The following FAM168A variants were observed in gnomAD, a reference collection of about 807,000 sequenced individuals.
FAM168A encodes protein FAM168A.
Under a neutral mutation model 28.5 loss-of-function variants are expected in FAM168A, and 3 were observed. That is an observed-to-expected ratio of 0.11 (90% confidence interval 0.05 to 0.27). The LOEUF (loss-of-function observed/expected upper bound fraction) is 0.27. Ranked by LOEUF, FAM168A falls within the 10% of genes least tolerant of loss-of-function variation. The probability of loss-of-function intolerance (pLI) is 1.00; values close to 1 mark genes in which losing one functional copy is unlikely to be tolerated. For synonymous variants in FAM168A, 122 were observed against 124.2 expected, an observed-to-expected ratio of 0.98 and a Z score of 0.12; for missense variants, 222 against 311.5, an observed-to-expected ratio of 0.71 and a Z score of 2.16.
intron 1 of FAM168A, among the ~76,000 whole-genome samples, chr11:73,484,733 G>C (rs963727777): frequency 7.1e-6 from 1 of 141,044 alleles, no homozygotes; most frequent in Non-Finnish European, 1.5e-5. Context: ...GATATATATC[G>C]ATATATAGAT....
chr11:73,547,325 TA>T (rs200867927), intron 1 of FAM168A, among the ~76,000 whole-genome samples: 9 of 149,126 alleles, frequency 6.0e-5, no homozygotes, highest in African/African-American at 9.8e-5. Flanking sequence ...TGGCAGGTAT[TA>T]AAAAAAAAAT....
intron 1 of FAM168A, among the ~76,000 whole-genome samples, chr11:73,575,556 A>G (rs1468108032): frequency 6.6e-6 from 1 of 152,036 alleles, no homozygotes; most frequent in Non-Finnish European, 1.5e-5. Context: ...AACAATACCT[A>G]CCTATCAGAG....
chr11:73,544,819 T>C (rs1257720127), intron 1 of FAM168A, among the ~76,000 whole-genome samples: 1 of 102,914 alleles, frequency 9.7e-6, no homozygotes, highest in Non-Finnish European at 1.8e-5. Flanking sequence ...TCATATATAA[T>C]AAATTTATTA....
rs1277194599 is a variant in FAM168A, at chr11:73,403,493, GCTCA to G, written c.*3266_*3269del. ...TTTGCATCCTGGGGCCAGTGCTGTA[GCTCA>G]CTGTCAGGCGGCTACATCCCTTGTC... On this transcript the variant is annotated 3_prime_UTR_variant, in exon 8 of 8. Coordinates refer to ENST00000356467, the MANE Select transcript of FAM168A (RefSeq NM_015159.3). 5.3e-5 allele frequency: 8 copies of G among 152,254 alleles called. No homozygotes were observed. The highest frequency in any genetic ancestry group is 1.2e-4 in the Non-Finnish European group (8 of 68,066). The allele number at this position is 152,254 out of a possible 1,614,324, so 9.4% of individuals were successfully genotyped here.
chr11:73,419,423 C>A (rs1465164666), intron 4 of FAM168A, among the ~76,000 whole-genome samples: 1 of 152,158 alleles, frequency 6.6e-6, no homozygotes, highest in East Asian at 1.9e-4. Context: ...AGGGTAGAGG[C>A]CAGGGATGCT....
chr11:73,445,419 C>CTCTTTTTTTTTTTTTTTTTTTTT (rs776745757), intron 2 of FAM168A, among the ~76,000 whole-genome samples: 1 of 50,432 alleles, frequency 2.0e-5, no homozygotes, highest in African/African-American at 7.1e-5. Context: ...AAAAATGTCT[C>CTCTTTTTTTTTTTTTTTTTTTTT]TTTTTTTTTT....
chr11:73,438,118 G>A (rs139373948), intron 2 of FAM168A, among the ~76,000 whole-genome samples: 1,798 of 151,952 alleles, frequency 0.012, 23 homozygotes, highest in Non-Finnish European at 0.019. Flanking sequence ...CATCATCATC[G>A]TCATCATCAT....
chr11:73,539,859 G>A (rs1042067302), intron 1 of FAM168A, among the ~76,000 whole-genome samples: 2 of 152,218 alleles, frequency 1.3e-5, no homozygotes, highest in African/African-American at 4.8e-5. Context: ...TTATAAGGAT[G>A]GAGGATTTGG....
At chr11:73,415,124 C>T (rs979554667) in intron 4 of FAM168A, among the ~76,000 whole-genome samples, 4 of 152,180 alleles carry the variant, frequency 2.6e-5, no homozygotes, top group African/African-American at 9.7e-5. Context: ...GAGAATGTTT[C>T]CCTTTCTTCA....
intron 1 of FAM168A, among the ~76,000 whole-genome samples, chr11:73,564,742 C>CAAA (rs1294055661): frequency 0.018 from 901 of 49,974 alleles, 20 homozygotes; most frequent in African/African-American, 0.057. Flanking sequence ...GACTCCGTCA[C>CAAA]AAAAAAAAAA....
chr11:73,555,805 G>A (rs990213513), intron 1 of FAM168A, among the ~76,000 whole-genome samples: 1 of 152,008 alleles, frequency 6.6e-6, no homozygotes, highest in East Asian at 1.9e-4. Flanking sequence ...GCAAATCAGA[G>A]AACTAGTGCC....
chr11:73,466,140 G>A (rs11823008), intron 2 of FAM168A, among the ~76,000 whole-genome samples: 6,618 of 152,240 alleles, frequency 0.043, 405 homozygotes, highest in African/African-American at 0.13. Flanking sequence ...CATTTCCTCT[G>A]AAGCAGATGA....
At chr11:73,559,723 C>A (rs1298398905) in intron 1 of FAM168A, among the ~76,000 whole-genome samples, 1 of 152,166 alleles carries the variant, frequency 6.6e-6, no homozygotes, top group Non-Finnish European at 1.5e-5. Context: ...GGTTGTTGCA[C>A]AACACTGGGA....
chr11:73,544,845 AAATATAT>A (rs56727433), intron 1 of FAM168A, among the ~76,000 whole-genome samples: 1,451 of 94,218 alleles, frequency 0.015, 152 homozygotes, highest in African/African-American at 0.08. Flanking sequence ...AATATATATT[AAATATAT>A]AATATATAAT....
chr11:73,568,001 G>A (rs1446930910), intron 1 of FAM168A, among the ~76,000 whole-genome samples: 2 of 152,112 alleles, frequency 1.3e-5, no homozygotes, highest in Non-Finnish European at 2.9e-5. Flanking sequence ...CAGCTACCCT[G>A]TACTCTAACT....
At chr11:73,441,162 G>T (rs932820829) in intron 2 of FAM168A, among the ~76,000 whole-genome samples, 2 of 151,586 alleles carry the variant, frequency 1.3e-5, no homozygotes, top group East Asian at 3.9e-4. Context: ...GGGTTCAAGC[G>T]ATTCCCCTGC....
intron 1 of FAM168A, among the ~76,000 whole-genome samples, chr11:73,562,834 G>T (rs992875592): frequency 6.6e-6 from 1 of 151,080 alleles, no homozygotes; most frequent in African/African-American, 2.4e-5. Context: ...TCAAAAAAAA[G>T]AATAAAAGGT....
intron 1 of FAM168A, among the ~76,000 whole-genome samples, chr11:73,501,266 T>C (rs761527853): frequency 2.1e-4 from 32 of 152,296 alleles, no homozygotes; most frequent in Middle Eastern, 6.8e-3. Flanking sequence ...CACCCCACTG[T>C]CAGTATCAGA....
intron 1 of FAM168A, among the ~76,000 whole-genome samples, chr11:73,576,515 G>A (rs574683889): frequency 3.3e-5 from 5 of 152,164 alleles, no homozygotes; most frequent in African/African-American, 9.7e-5. Context: ...AAAACTGAAT[G>A]AGCGGTTACC....
Sources: allele counts gnomAD v4.1 joint callset (sites outside exome capture counted in the v4.1 genomes callset), GRCh38; gene constraint gnomAD v4.1.1; transcripts MANE v1.5; gene names NCBI Gene and HGNC (gene_info 2026-07-23, HGNC 2026-07-21).